The following VRK1 variants were observed in gnomAD, a reference collection of about 807,000 sequenced individuals.
The protein encoded by VRK1 is VRK serine/threonine kinase 1, also known as serine/threonine-protein kinase VRK1.
VRK1 carries 33 observed loss-of-function variants against 57.1 expected under a neutral mutation model. The ratio of observed to expected loss-of-function variants is 0.58; its 90% CI spans 0.44 to 0.77. VRK1 has a LOEUF of 0.77. Among genes scored for constraint, VRK1 ranks in the 30% least tolerant of loss-of-function variants. VRK1 has a pLI of 0.00. For synonymous variants in VRK1, 137 were observed against 147.8 expected (o/e 0.93, Z 0.53); for missense variants, 413 against 477.3 (o/e 0.87, Z 1.25).
At chr14:96,813,829 G>A (rs537978634) in intron 1 of VRK1, among the ~76,000 whole-genome samples, 1 of 152,150 alleles carries the variant, frequency 6.6e-6, no homozygotes, top group South Asian at 2.1e-4. Flanking sequence ...TTAGCAAAAA[G>A]GCATTTTTAC....
intron 1 of VRK1, among the ~76,000 whole-genome samples, chr14:96,814,830 A>AT (rs1886332886): frequency 1.3e-5 from 2 of 152,196 alleles, no homozygotes; most frequent in Non-Finnish European, 2.9e-5. Flanking sequence ...GAGCTACCTT[A>AT]TTTTTAAAAC....
At chr14:96,855,084 A>G (rs1888098407) in intron 7 of VRK1, 140 bp from the exon 8 acceptor site, 1 of 1,175,654 alleles carries the variant, frequency 8.5e-7, no homozygotes, top group Non-Finnish European at 1.2e-6. Context: ...TGCATTTTGG[A>G]TCTAAATTGT....
intron 1 of VRK1, among the ~76,000 whole-genome samples, chr14:96,801,194 T>G (rs1452160891): frequency 6.6e-6 from 1 of 152,218 alleles, no homozygotes; most frequent in African/African-American, 2.4e-5. Flanking sequence ...GAGATTGCAT[T>G]ATCTAATTGT....
rs1887100980 is a variant in VRK1 at position 96,833,630 on chromosome 14, TG to T, written c.160+1del. On this transcript the variant is annotated frameshift_variant and splice_region_variant, in exon 2 of 13. Transcript: ENST00000216639. LOFTEE classifies it high-confidence loss of function. ...GQGGFGCIYLADMNSSESVGS... is the reference protein window; with the variant it reads ...GQGGFGCIYLXDMNSSESVGS... ...AAGGAGGCTTTGGCTGTATATATCT[TG>T]GTAAGTGTGTGACTGCTTCTAATGA... 2 of 1,613,460 alleles carry T rather than the reference TG, an allele frequency of 1.2e-6. No individual in the cohort carries two copies. The highest frequency in any genetic ancestry group is 1.7e-6 in the Non-Finnish European group (2 of 1,179,596).
chr14:96,806,199 C>T (rs1033496137), intron 1 of VRK1, among the ~76,000 whole-genome samples: 2 of 152,054 alleles, frequency 1.3e-5, no homozygotes, highest in South Asian at 2.1e-4. Context: ...GATTCCCAGT[C>T]GGGGATGTTC....
chr14:96,842,000 C>G (rs1181286146), intron 3 of VRK1, among the ~76,000 whole-genome samples: 2 of 152,104 alleles, frequency 1.3e-5, no homozygotes, highest in African/African-American at 4.8e-5. Flanking sequence ...TTTACAGTTT[C>G]ATTCTTCTTA....
chr14:96,847,365 T>C (rs1566704717), intron 5 of VRK1, 21 bp downstream of exon 5: 2 of 1,585,430 alleles, frequency 1.3e-6, no homozygotes. Flanking sequence ...GTGTGATTTG[T>C]CTTTCTCCTT....
chr14:96,877,660 T>A, intron 12 of VRK1: 1 of 1,283,332 alleles, frequency 7.8e-7, no homozygotes, highest in South Asian at 1.2e-5. Context: ...ACTGGCAATT[T>A]TAGTTTCAGA....
chr14:96,823,607 G>T (rs1486918157), intron 1 of VRK1, among the ~76,000 whole-genome samples: 1 of 152,040 alleles, frequency 6.6e-6, no homozygotes, highest in African/African-American at 2.4e-5. Context: ...TCTAGAAACT[G>T]TTTTCTTTTT....
chr14:96,833,396 T>C (rs1887087711), intron 1 of VRK1, 71 bp from the exon 2 acceptor site: 1 of 1,589,588 alleles, frequency 6.3e-7, no homozygotes, highest in South Asian at 1.1e-5. Context: ...TACGGAAGTT[T>C]TCCTTAGGGA....
At chr14:96,827,587 A>T (rs1208503474) in intron 1 of VRK1, among the ~76,000 whole-genome samples, 1 of 152,164 alleles carries the variant, frequency 6.6e-6, no homozygotes, top group South Asian at 2.1e-4. Context: ...TCACTGCCAC[A>T]GTCTGTCCAG....
chr14:96,840,625 T>G (rs532155910), intron 3 of VRK1, among the ~76,000 whole-genome samples: 2 of 152,304 alleles, frequency 1.3e-5, no homozygotes, highest in South Asian at 4.1e-4. Context: ...AATATTAAAA[T>G]CTATGGGTAA....
intron 1 of VRK1, among the ~76,000 whole-genome samples, chr14:96,803,168 ATTT>A (rs747521306): frequency 3.9e-5 from 5 of 127,900 alleles, no homozygotes; most frequent in Admixed American, 7.8e-5. Context: ...TGATGCTGGC[ATTT>A]TTTTTTTTTT....
chr14:96,813,682 T>A (rs1167920529), intron 1 of VRK1, among the ~76,000 whole-genome samples: 1 of 152,180 alleles, frequency 6.6e-6, no homozygotes, highest in African/African-American at 2.4e-5. Flanking sequence ...GTGAGTATGT[T>A]TAGGTTTGAT....
chr14:96,859,328 T>C (rs909464196), intron 10 of VRK1, among the ~76,000 whole-genome samples: 1 of 152,242 alleles, frequency 6.6e-6, no homozygotes, highest in African/African-American at 2.4e-5. Context: ...GAATAAAGAC[T>C]GGTTTACATC....
chr14:96,868,097 T>A (rs988548196), intron 11 of VRK1, among the ~76,000 whole-genome samples: 1 of 152,218 alleles, frequency 6.6e-6, no homozygotes. Flanking sequence ...TTTAATAGAA[T>A]TTTCATTACA....
Position 96,876,253 on chromosome 14 carries a change from A to T in VRK1, c.1159+133A>T. ...ATAAAATACCACAAGATTTTTATAT[A>T]GTATGTATTGTGTCTTTTGTACACA... On this transcript the variant is annotated intron_variant, in intron 12 of 12. Coordinates refer to ENST00000216639, the MANE Select transcript of VRK1 (RefSeq NM_003384.3). 4 of 799,390 alleles carry T rather than the reference A, an allele frequency of 5.0e-6. No homozygotes were observed. In the South Asian group the frequency reaches 5.4e-5, roughly 11 times the overall value. The allele number at this position is 799,390 out of a possible 1,614,324, so 49.5% of individuals were successfully genotyped here.
At chr14:96,797,581 G>T (rs1445654100) in intron 1 of VRK1, 134 bp downstream of exon 1, 1 of 151,798 alleles carries the variant, frequency 6.6e-6, no homozygotes, top group Non-Finnish European at 1.5e-5. Context: ...GGGAGTCGCC[G>T]TCAGCCTCGG....
chr14:96,816,340 G>A (rs1031548082), intron 1 of VRK1, among the ~76,000 whole-genome samples: 5 of 152,114 alleles, frequency 3.3e-5, no homozygotes, highest in Admixed American at 3.3e-4. Context: ...TAGCCAAAAT[G>A]AATGACTACC....
Sources: gnomAD v4.1 joint callset for allele counts (sites outside exome capture counted in the v4.1 genomes callset) on GRCh38, gnomAD v4.1.1 for gene constraint, MANE v1.5 for transcripts, NCBI Gene and HGNC (gene_info 2026-07-23, HGNC 2026-07-21) for gene names.